Variants in BDKRB2 observed in about 807,000 individuals in gnomAD.
BDKRB2 encodes B2 bradykinin receptor.
A neutral mutation model predicts 4.0 loss-of-function variants in BDKRB2; 6 were observed. That is an observed-to-expected ratio of 1.49 (90% CI 0.81 to 2.93). The LOEUF is 2.93. Among genes scored for constraint, BDKRB2 ranks in the 30% most tolerant of loss-of-function variants. BDKRB2 has a pLI of 0.00. For synonymous variants in BDKRB2, 225 were observed against 215.3 expected, an observed-to-expected ratio of 1.05 and a Z score of -0.40; for missense variants, 478 against 520.1, an observed-to-expected ratio of 0.92 and a Z score of 0.79.
At chr14:96,222,950 T>C (rs1483391552) in intron 1 of BDKRB2, among the ~76,000 whole-genome samples, 1 of 152,066 alleles carries the variant, frequency 6.6e-6, no homozygotes, top group African/African-American at 2.4e-5. Flanking sequence ...TATAGTTCTA[T>C]TGGACATCAC....
chr14:96,217,868 C>T (rs970480182), intron 1 of BDKRB2, among the ~76,000 whole-genome samples: 2 of 152,146 alleles, frequency 1.3e-5, no homozygotes, highest in African/African-American at 4.8e-5. Context: ...CAGACTCCTC[C>T]AACCAGGTCT....
intron 2 of BDKRB2, chr14:96,239,135 A>G: frequency 1.0e-6 from 1 of 985,470 alleles, no homozygotes; most frequent in Non-Finnish European, 1.2e-6. Context: ...ACCTTCCAGA[A>G]AGAGCCCCTT....
intron 1 of BDKRB2, among the ~76,000 whole-genome samples, chr14:96,219,953 G>C (rs368474909): frequency 6.6e-6 from 1 of 151,984 alleles, no homozygotes; most frequent in African/African-American, 2.4e-5. Flanking sequence ...CTTTCTGGCC[G>C]ACCAAGCCTA....
chr14:96,222,388 C>G (rs1450940365), intron 1 of BDKRB2, among the ~76,000 whole-genome samples: 3 of 151,972 alleles, frequency 2.0e-5, no homozygotes, highest in Admixed American at 2.0e-4. Context: ...CTCTTCCCTT[C>G]CTGGAGGATG....
intron 1 of BDKRB2, among the ~76,000 whole-genome samples, chr14:96,227,041 C>T (rs985864480): frequency 6.6e-6 from 1 of 152,194 alleles, no homozygotes; most frequent in Admixed American, 6.5e-5. Context: ...AGGCAAAGCC[C>T]GGGCTCTTGC....
intron 1 of BDKRB2, among the ~76,000 whole-genome samples, chr14:96,218,549 G>C (rs907438525): frequency 6.6e-6 from 1 of 152,146 alleles, no homozygotes; most frequent in Admixed American, 6.5e-5. Flanking sequence ...AGAGCTTTCT[G>C]AGCTGCATCC....
At chr14:96,231,752 G>T (rs1890823689) in intron 1 of BDKRB2, among the ~76,000 whole-genome samples, 1 of 152,250 alleles carries the variant, frequency 6.6e-6, no homozygotes, top group African/African-American at 2.4e-5. Context: ...AAACTCAGCT[G>T]CAGGCGTGAT....
chr14:96,210,583 G>C (rs1044288660), intron 1 of BDKRB2, among the ~76,000 whole-genome samples: 2 of 152,184 alleles, frequency 1.3e-5, no homozygotes, highest in African/African-American at 4.8e-5. Context: ...ATCTTGAAAG[G>C]TTTCACCCAG....
At chr14:96,238,429 GAAGAATA>G (rs1453920998) in intron 2 of BDKRB2, 1 of 979,818 alleles carries the variant, frequency 1.0e-6, no homozygotes, top group Non-Finnish European at 1.2e-6. Context: ...CTTTTGAAAT[GAAGAATA>G]TCAAGTAATT....
chr14:96,223,027 G>C, intron 1 of BDKRB2: 1 of 687,940 alleles, frequency 1.5e-6, no homozygotes, highest in Non-Finnish European at 2.7e-6. Flanking sequence ...AAGACAGTAA[G>C]AAATAGCAAG....
chr14:96,215,071 A>G lies in BDKRB2; in HGVS notation c.-40+10112A>G, dbSNP rs148765685. Among the ~76,000 whole-genome samples, 19 of 152,340 alleles carry G rather than the reference A, an allele frequency of 1.2e-4. 1 individual carries two copies. The East Asian group carries it at 3.5e-3, about 28-fold the overall frequency. ...ATTTAAATATTTTTATTGCCAAAGGAATATATGTTCTTCACAGAAAACTTG... is the reference window on the plus strand; with the variant it reads ...ATTTAAATATTTTTATTGCCAAAGGGATATATGTTCTTCACAGAAAACTTG... On this transcript the variant is annotated intron_variant, in intron 1 of 2. Transcript: ENST00000554311.
At position 96,240,757 on chromosome 14, in the gene BDKRB2, C is replaced by A; in HGVS notation, c.429C>A (p.Ser143Arg). Residue 143 changes from serine to arginine, a missense_variant, in exon 3 of 3, where the codon AGC becomes AGA. By Grantham distance (110) the Ser-to-Arg change is moderately radical. Coordinates refer to ENST00000554311, the MANE Select transcript of BDKRB2 (RefSeq NM_001379692.1). ...VNAIISMNLY[S>R]SICFLMLVSI... Reference sequence around the variant, plus strand: ...CCATTATCTCCATGAACCTGTACAGCAGCATCTGTTTCCTGATGCTGGTGA... The same window carrying A: ...CCATTATCTCCATGAACCTGTACAGAAGCATCTGTTTCCTGATGCTGGTGA... 6.3e-7 allele frequency: 1 copy of A among 1,575,056 alleles called. No individual in the cohort carries two copies. Among genetic ancestry groups the A allele is most frequent in the Non-Finnish European group, 8.6e-7 (1 of 1,161,842 alleles).
chr14:96,220,603 T>G (rs942247510), intron 1 of BDKRB2, among the ~76,000 whole-genome samples: 1 of 151,736 alleles, frequency 6.6e-6, no homozygotes, highest in Non-Finnish European at 1.5e-5. Flanking sequence ...GAGGGCCACC[T>G]CCTCTGCCCC....
chr14:96,218,495 C>G (rs985495502), intron 1 of BDKRB2, among the ~76,000 whole-genome samples: 1 of 152,150 alleles, frequency 6.6e-6, no homozygotes, highest in African/African-American at 2.4e-5. Flanking sequence ...GGCAATGCTA[C>G]TGGCCCCACC....
intron 1 of BDKRB2, chr14:96,233,488 C>T (rs913067912): frequency 6.6e-6 from 1 of 152,290 alleles, no homozygotes; most frequent in Non-Finnish European, 1.5e-5. Flanking sequence ...GTGCCCCTTT[C>T]CTCTGGCTGT....
intron 1 of BDKRB2, among the ~76,000 whole-genome samples, chr14:96,205,575 C>G (rs1248039589): frequency 6.6e-6 from 1 of 152,160 alleles, no homozygotes; most frequent in African/African-American, 2.4e-5. Flanking sequence ...GACCCTCTTC[C>G]CACGGTCCTG....
chr14:96,239,010 G>A, intron 2 of BDKRB2: 1 of 985,596 alleles, frequency 1.0e-6, no homozygotes, highest in Non-Finnish European at 1.2e-6. Context: ...CAGGATGCCA[G>A]CCAGCTGCTC....
chr14:96,240,377 A>G, intron 2 of BDKRB2, 26 bp from the exon 3 acceptor site: 1 of 1,422,384 alleles, frequency 7.0e-7, no homozygotes, highest in Non-Finnish European at 9.2e-7. Context: ...CTGAGGGGTA[A>G]CAGCCTCTTT....
chr14:96,227,618 A>AAC (rs371297952), intron 1 of BDKRB2, among the ~76,000 whole-genome samples: 3 of 151,422 alleles, frequency 2.0e-5, no homozygotes, highest in African/African-American at 7.3e-5. Flanking sequence ...TGCACACACA[A>AAC]ACACACACAC....
Sources: gnomAD v4.1 joint callset for allele counts (sites outside exome capture counted in the v4.1 genomes callset) on GRCh38, gnomAD v4.1.1 for gene constraint, MANE v1.5 for transcripts, NCBI Gene and HGNC (gene_info 2026-07-23, HGNC 2026-07-21) for gene names.